Variants in CNTNAP2 observed in about 807,000 individuals in gnomAD.
CNTNAP2 encodes the protein contactin associated protein 2, also known as contactin-associated protein-like 2.
Under a neutral mutation model 155.2 loss-of-function variants are expected in CNTNAP2, and 98 were observed. The observed-to-expected ratio is 0.63, with a 90% CI of 0.54 to 0.75. The LOEUF (loss-of-function observed/expected upper bound fraction) is 0.75, where lower values mean the gene tolerates loss of function less well. Ranked by LOEUF, CNTNAP2 falls within the 30% of genes least tolerant of loss-of-function variation. The pLI, the probability that CNTNAP2 is intolerant of heterozygous loss-of-function variation, is 0.00. For missense variants in CNTNAP2, 1,727 were observed against 1,688.1 expected (o/e 1.02, Z -0.40); for synonymous variants, 651 against 631.2 (o/e 1.03, Z -0.47).
At chr7:146,631,374 A>G (rs1799508440) in intron 1 of CNTNAP2, among the ~76,000 whole-genome samples, 1 of 152,184 alleles carries the variant, frequency 6.6e-6, no homozygotes, top group South Asian at 2.1e-4. Flanking sequence ...CCAGAATCAT[A>G]GATGTTTGGG....
At chr7:146,841,050 T>G (rs1351086683) in intron 3 of CNTNAP2, among the ~76,000 whole-genome samples, 1 of 152,186 alleles carries the variant, frequency 6.6e-6, no homozygotes, top group Non-Finnish European at 1.5e-5. Context: ...GCATAATTTA[T>G]AGAAAAGTGC....
intron 15 of CNTNAP2, among the ~76,000 whole-genome samples, chr7:148,062,223 G>T (rs1380951216): frequency 6.6e-6 from 1 of 151,842 alleles, no homozygotes; most frequent in Non-Finnish European, 1.5e-5. Context: ...GACATAATAT[G>T]CAAATAATAA....
chr7:148,302,690 G>A (rs868697608), intron 21 of CNTNAP2, among the ~76,000 whole-genome samples: 35 of 151,970 alleles, frequency 2.3e-4, no homozygotes, highest in African/African-American at 7.7e-4. Flanking sequence ...CTTAGCTTTC[G>A]CTTCTCTCGC....
intron 20 of CNTNAP2, among the ~76,000 whole-genome samples, chr7:148,258,916 A>G (rs7801654): frequency 0.7 from 106,290 of 151,460 alleles, 37,696 homozygotes; most frequent in South Asian, 0.85. Flanking sequence ...GGTGGCTCAC[A>G]CCTGTAATCC....
chr7:147,132,648 G>C, intron 8 of CNTNAP2, 139 bp downstream of exon 8: 2 of 1,178,206 alleles, frequency 1.7e-6, no homozygotes, highest in African/African-American at 1.5e-5. Flanking sequence ...TTACTTGGTT[G>C]TAGTGTGTGC....
chr7:147,850,790 TA>T (rs1220120614), intron 13 of CNTNAP2, among the ~76,000 whole-genome samples: 2 of 152,194 alleles, frequency 1.3e-5, no homozygotes, highest in African/African-American at 4.8e-5. Context: ...ATTAAAGACT[TA>T]AATGTTAGAC....
intron 13 of CNTNAP2, among the ~76,000 whole-genome samples, chr7:147,750,569 G>A (rs1797117540): frequency 6.6e-6 from 1 of 152,160 alleles, no homozygotes; most frequent in Non-Finnish European, 1.5e-5. Context: ...GTACTTCATA[G>A]GTGACTTTCC....
At chr7:147,242,987 A>ATTTTTCTTTTTTTTTTTTTTTT (rs1803975127) in intron 8 of CNTNAP2, among the ~76,000 whole-genome samples, 1 of 47,168 alleles carries the variant, frequency 2.1e-5, no homozygotes, top group Non-Finnish European at 3.6e-5. Flanking sequence ...TATGCTTTGC[A>ATTTTTCTTTTTTTTTTTTTTTT]TTTTTTTTTT....
chr7:146,173,307 A>G (rs1202946892), intron 1 of CNTNAP2, among the ~76,000 whole-genome samples: 5 of 152,142 alleles, frequency 3.3e-5, no homozygotes, highest in South Asian at 4.1e-4. Flanking sequence ...GAAGTTTACA[A>G]TAGTGTACAT....
chr7:146,259,518 T>A lies in CNTNAP2; in HGVS notation c.97+142545T>A, dbSNP rs140913972. 6.6e-3 allele frequency among the ~76,000 whole-genome samples: 1,006 copies of A among 152,242 alleles called. 14 individuals are homozygous for A. The highest frequency in any genetic ancestry group is 0.023 in the African/African-American group (953 of 41,522). ...TGCAGATGAGGAACTTCGTGAGAAC[T>A]GGAGTAAAGGTCACTTATGCTGTGC... On this transcript the variant is annotated intron_variant, in intron 1 of 23. Transcript: ENST00000361727.
chr7:147,167,030 G>GC (rs1360898991), intron 8 of CNTNAP2, among the ~76,000 whole-genome samples: 1 of 152,002 alleles, frequency 6.6e-6, no homozygotes, highest in African/African-American at 2.4e-5. Flanking sequence ...AGGCTGCTTT[G>GC]TTTTTTTAAT....
chr7:147,386,095 A>G (rs1015564143), intron 9 of CNTNAP2, among the ~76,000 whole-genome samples: 1 of 152,054 alleles, frequency 6.6e-6, no homozygotes. Context: ...CCTTTTAGTC[A>G]CAGCTGAAGG....
intron 3 of CNTNAP2, among the ~76,000 whole-genome samples, chr7:146,981,781 C>T (rs566932205): frequency 1.3e-3 from 196 of 152,084 alleles, no homozygotes; most frequent in South Asian, 4.4e-3. Context: ...TAAAACAAAA[C>T]GATTAGACTT....
At chr7:147,935,352 C>CT (rs1262181247) in intron 14 of CNTNAP2, among the ~76,000 whole-genome samples, 2 of 152,152 alleles carry the variant, frequency 1.3e-5, no homozygotes, top group African/African-American at 2.4e-5. Context: ...GTCTTGATCT[C>CT]TTGACCTCAT....
intron 1 of CNTNAP2, among the ~76,000 whole-genome samples, chr7:146,588,514 ATG>A (rs201185728): frequency 0.011 from 785 of 68,860 alleles, 5 homozygotes; most frequent in African/African-American, 0.045. Flanking sequence ...AGCTTATTAT[ATG>A]TATTTTTTTT....
At chr7:148,030,461 A>G (rs1002578011) in intron 15 of CNTNAP2, among the ~76,000 whole-genome samples, 2 of 152,156 alleles carry the variant, frequency 1.3e-5, no homozygotes, top group African/African-American at 4.8e-5. Context: ...ACCAATGGGG[A>G]CTACTGAATA....
At chr7:147,438,993 T>C (rs1441374808) in intron 10 of CNTNAP2, among the ~76,000 whole-genome samples, 1 of 152,070 alleles carries the variant, frequency 6.6e-6, no homozygotes, top group African/African-American at 2.4e-5. Flanking sequence ...TTCTGTAGTC[T>C]GGCTAAAAGT....
chr7:147,186,550 C>T (rs888913676), intron 8 of CNTNAP2, among the ~76,000 whole-genome samples: 2 of 152,086 alleles, frequency 1.3e-5, no homozygotes, highest in Admixed American at 6.6e-5. Context: ...TCCATTTGGA[C>T]CCTTTATAGA....
At chr7:146,387,252 T>C (rs1167135643) in intron 1 of CNTNAP2, among the ~76,000 whole-genome samples, 1 of 152,298 alleles carries the variant, frequency 6.6e-6, no homozygotes, top group Middle Eastern at 3.4e-3. Flanking sequence ...CCAGAGCACC[T>C]GCACTGGAGG....
Sources: allele counts gnomAD v4.1 joint callset (sites outside exome capture counted in the v4.1 genomes callset), GRCh38; gene constraint gnomAD v4.1.1; transcripts MANE v1.5; gene names NCBI Gene and HGNC (gene_info 2026-07-23, HGNC 2026-07-21).